Variants in SKP2 observed in about 807,000 individuals in gnomAD.
The protein encoded by SKP2 is S-phase kinase associated protein 2, also known as S-phase kinase-associated protein 2.
SKP2 carries 16 observed loss-of-function variants against 51.8 expected under a neutral mutation model. That is an observed-to-expected ratio of 0.31 (90% CI 0.21 to 0.47). The LOEUF (loss-of-function observed/expected upper bound fraction) is 0.47, where lower values mean the gene tolerates loss of function less well. SKP2 is among the 20% of genes least tolerant of loss of function. The pLI is 1.00. For synonymous variants in SKP2, 176 were observed against 198.6 expected (o/e 0.89, Z 0.96); for missense variants, 377 against 505.3 (o/e 0.75, Z 2.43).
At chr5:36,192,291 A>G (rs1195269822) in intron 6 of SKP2, among the ~76,000 whole-genome samples, 1 of 152,216 alleles carries the variant, frequency 6.6e-6, no homozygotes, top group Admixed American at 6.5e-5. Context: ...ACTCATTAGT[A>G]CATTTACTCT....
At chr5:36,158,077 T>A (rs1474146898) in intron 2 of SKP2, among the ~76,000 whole-genome samples, 1 of 152,126 alleles carries the variant, frequency 6.6e-6, no homozygotes, top group Non-Finnish European at 1.5e-5. Flanking sequence ...TTTGGCCCAG[T>A]TTTTGCCCTT....
chr5:36,157,333 T>C (rs930420463), intron 2 of SKP2, among the ~76,000 whole-genome samples: 14 of 152,220 alleles, frequency 9.2e-5, no homozygotes, highest in Admixed American at 5.9e-4. Context: ...GCTTCTGTTG[T>C]TTCTTCATTA....
intron 2 of SKP2, among the ~76,000 whole-genome samples, chr5:36,159,737 C>T (rs775423944): frequency 6.6e-6 from 1 of 152,224 alleles, no homozygotes; most frequent in Non-Finnish European, 1.5e-5. Context: ...GGTTGGCTTT[C>T]TTCCCTTCCA....
chr5:36,182,179 CTA>C lies in SKP2; in HGVS notation c.*150_*151del. On this transcript the variant is annotated 3_prime_UTR_variant, in exon 10 of 10. Coordinates refer to ENST00000274255, the MANE Select transcript of SKP2 (RefSeq NM_005983.4). ...CTAGGGAGCCATTTGAGAGGGAAAA[CTA>C]TGAAATCTTGCTTTTTGAAATGATT... 1 of 1,423,232 alleles carries C rather than the reference CTA, an allele frequency of 7.0e-7. No homozygotes were observed. The highest frequency in any genetic ancestry group is 9.2e-7 in the Non-Finnish European group (1 of 1,092,360). The allele number at this position is 1,423,232 out of a possible 1,614,324, so 88.2% of individuals were successfully genotyped here. A position where few individuals can be genotyped will look rare whatever the true frequency, so the allele number is the denominator to read the frequency against.
Position 36,166,662 on chromosome 5 carries a change from G to C in SKP2, c.536G>C (p.Ser179Thr). 1 of 1,612,702 alleles carries C rather than the reference G, an allele frequency of 6.2e-7. No individual in the cohort carries two copies. Among genetic ancestry groups the C allele is most frequent in the Non-Finnish European group, 8.5e-7 (1 of 1,179,248 alleles). ...FMDQPLAEHFSPFRVQHMDLS... is the reference protein window; with the variant it reads ...FMDQPLAEHFTPFRVQHMDLS... ...GACCAACCATTGGCTGAACATTTCA[G>C]GTAAAGATGAAAAATCCCTGGAAAA... Residue 179 changes from serine (S) to threonine (T), a missense_variant and splice_region_variant, in exon 4 of 10, where the codon AGC becomes ACC. Coordinates refer to ENST00000274255, the MANE Select transcript of SKP2 (RefSeq NM_005983.4).
chr5:36,155,752 AT>A (rs1429094574), intron 2 of SKP2, among the ~76,000 whole-genome samples: 1 of 152,206 alleles, frequency 6.6e-6, no homozygotes, highest in Admixed American at 6.5e-5. Flanking sequence ...ACAGATTTTT[AT>A]TAACCTGTCC....
chr5:36,182,387 A>C lies in SKP2; in HGVS notation c.*356A>C. ...GCTTAAAAATTACCACCAGCAAACA[A>C]TCTTCATAGCCCATATAACTTTTAT... On this transcript the variant is annotated 3_prime_UTR_variant, in exon 10 of 10. Coordinates refer to ENST00000274255, the MANE Select transcript of SKP2 (RefSeq NM_005983.4). 2 of 1,035,168 alleles carry C rather than the reference A, an allele frequency of 1.9e-6. No individual in the cohort carries two copies. Among genetic ancestry groups the C allele is most frequent in the Non-Finnish European group, 2.3e-6 (2 of 860,298 alleles). 64.1% of individuals were successfully genotyped at this position (1,035,168 alleles called of 1,614,324 possible). A position where few individuals can be genotyped will look rare whatever the true frequency, so the allele number is the denominator to read the frequency against.
Position 36,183,333 on chromosome 5 carries a change from C to T in SKP2, c.*1302C>T. ...CAAGGCCGGAGTGCAGTGGTGCGATCTCGGCTCACTGCAAGCTCCGCCTCC... is the reference window on the plus strand; with the variant it reads ...CAAGGCCGGAGTGCAGTGGTGCGATTTCGGCTCACTGCAAGCTCCGCCTCC... On this transcript the variant is annotated 3_prime_UTR_variant, in exon 10 of 10. Coordinates refer to ENST00000274255, the MANE Select transcript of SKP2 (RefSeq NM_005983.4). 2.9e-6 allele frequency: 1 copy of T among 338,998 alleles called. No homozygotes were observed. Among genetic ancestry groups the T allele is most frequent in the South Asian group, 1.2e-4 (1 of 8,536 alleles). The allele number at this position is 338,998 out of a possible 1,614,324, so 21.0% of individuals were successfully genotyped here. A position where few individuals can be genotyped will look rare whatever the true frequency, so the allele number is the denominator to read the frequency against.
At chr5:36,155,270 A>G (rs1022892275) in intron 2 of SKP2, 3 of 152,166 alleles carry the variant, frequency 2.0e-5, no homozygotes, top group Non-Finnish European at 4.4e-5. Flanking sequence ...TAGGAAAGAG[A>G]ACTTTGCCCA....
At chr5:36,184,515 G>C (rs1745921318), downstream of SKP2, among the ~76,000 whole-genome samples, 1 of 152,062 alleles carries the variant, frequency 6.6e-6, no homozygotes, top group Non-Finnish European at 1.5e-5. Flanking sequence ...TGTGGTGTTT[G>C]GTTTTTTTGT....
In SKP2 at chr5:36,183,219, T is replaced by G. The variant is rs1745866299; in HGVS notation, c.*1188T>G. On this transcript the variant is annotated 3_prime_UTR_variant, in exon 10 of 10. Coordinates refer to ENST00000274255, the MANE Select transcript of SKP2 (RefSeq NM_005983.4). The stretch of plus-strand genomic sequence containing the variant: ...CTTTTGATACCATCAGTGATATATA[T>G]TTTTTTAAACTGGTACAGAGAAGTG... 1.0e-6 allele frequency: 1 copy of G among 962,188 alleles called. No homozygotes were observed. 59.6% of individuals were successfully genotyped at this position (962,188 alleles called of 1,614,324 possible). A position where few individuals can be genotyped will look rare whatever the true frequency, so the allele number is the denominator to read the frequency against.
chr5:36,180,833 T>C (rs1448894396), intron 9 of SKP2, among the ~76,000 whole-genome samples: 1 of 152,230 alleles, frequency 6.6e-6, no homozygotes, highest in African/African-American at 2.4e-5. Flanking sequence ...TTTCTGACTT[T>C]AGGTAATTGA....
intron 7 of SKP2, among the ~76,000 whole-genome samples, chr5:36,172,315 C>A (rs948948576): frequency 6.6e-6 from 1 of 152,116 alleles, no homozygotes; most frequent in Admixed American, 6.6e-5. Context: ...ACTTTTTATT[C>A]AGTCCAAGAG....
chr5:36,155,873 T>C (rs1286302431), intron 2 of SKP2, among the ~76,000 whole-genome samples: 1 of 152,052 alleles, frequency 6.6e-6, no homozygotes, highest in African/African-American at 2.4e-5. Context: ...GTTTCCGGAG[T>C]CTTTGCTATT....
chr5:36,164,558 C>T (rs1447604425), intron 3 of SKP2, among the ~76,000 whole-genome samples: 1 of 152,212 alleles, frequency 6.6e-6, no homozygotes, highest in African/African-American at 2.4e-5. Context: ...CTTCTCCCTC[C>T]ACATACTTAG....
At chr5:36,178,469 G>T (rs1312163941) in intron 9 of SKP2, among the ~76,000 whole-genome samples, 1 of 152,038 alleles carries the variant, frequency 6.6e-6, no homozygotes, top group Non-Finnish European at 1.5e-5. Context: ...GGTCTGAGCT[G>T]GTATCTCATT....
At chr5:36,170,300 T>C (rs371968185) in intron 5 of SKP2, 44 bp from the exon 6 acceptor site, 13 of 1,102,492 alleles carry the variant, frequency 1.2e-5, no homozygotes, top group Non-Finnish European at 1.8e-5. Context: ...TGATGAATAG[T>C]GTCTTACTGG....
chr5:36,177,924 C>T (rs1026495284), intron 9 of SKP2, among the ~76,000 whole-genome samples: 1 of 152,064 alleles, frequency 6.6e-6, no homozygotes, highest in African/African-American at 2.4e-5. Flanking sequence ...AAAATAGTCA[C>T]TATCTAATCT....
Position 36,183,840 on chromosome 5 carries a change from A to G in SKP2, c.*1809A>G, listed in dbSNP as rs779627630. 3.1e-6 allele frequency: 5 copies of G among 1,592,420 alleles called. No individual in the cohort carries two copies. Among genetic ancestry groups the G allele is most frequent in the Non-Finnish European group, 4.3e-6 (5 of 1,174,110 alleles). On this transcript the variant is annotated 3_prime_UTR_variant, in exon 10 of 10. Coordinates refer to ENST00000274255, the MANE Select transcript of SKP2 (RefSeq NM_005983.4). ...TACTACTTGAAATTATTGTTTACAG[A>G]TTAGTGACAAGAGCTGGGGTTAGGA...
Sources: gnomAD v4.1 joint callset for allele counts (sites outside exome capture counted in the v4.1 genomes callset) on GRCh38, gnomAD v4.1.1 for gene constraint, MANE v1.5 for transcripts, NCBI Gene and HGNC (gene_info 2026-07-23, HGNC 2026-07-21) for gene names.